The following MYLIP variants were observed in gnomAD, a reference collection of about 807,000 sequenced individuals.
MYLIP encodes the protein E3 ubiquitin-protein ligase MYLIP.
MYLIP carries 26 observed loss-of-function variants against 45.8 expected under a neutral mutation model. That is an observed-to-expected ratio of 0.57 (90% CI 0.42 to 0.79). The LOEUF is 0.79. MYLIP is among the 30% of genes least tolerant of loss of function. MYLIP has a pLI of 0.00. For synonymous variants in MYLIP, 213 were observed against 218.1 expected, an observed-to-expected ratio of 0.98 and a Z score of 0.21; for missense variants, 494 against 555.6, an observed-to-expected ratio of 0.89 and a Z score of 1.11.
Position 16,146,905 on chromosome 6 carries a change from C to T in MYLIP, c.*154C>T. ...AAGGAAGAAAAATAACACAGCTACT[C>T]CTCACTGCAAAAACATATCCATGCG... On this transcript the variant is annotated 3_prime_UTR_variant, in exon 7 of 7. Transcript: ENST00000356840. 1 of 631,092 alleles carries T rather than the reference C, an allele frequency of 1.6e-6. No individual in the cohort carries two copies. The highest frequency in any genetic ancestry group is 2.7e-6 in the Non-Finnish European group (1 of 373,542). The allele number at this position is 631,092 out of a possible 1,614,324, so 39.1% of individuals were successfully genotyped here.
Position 16,143,849 on chromosome 6 carries a change from G to T in MYLIP, c.813G>T (p.Thr271=). ...GGCTCTACCGAGCGATAACAGAGAC[G>T]CACGCATTCTACAGGCACGTATCTC... ...ASGLYRAITE[T]HAFYRCDTVT... is the part of the protein sequence containing the mutation. The change falls in exon 5 of 7, where the codon ACG becomes ACT. Residue 271 remains threonine (T), a synonymous_variant. Coordinates refer to ENST00000356840, the MANE Select transcript of MYLIP (RefSeq NM_013262.4). The T allele has an allele frequency of 6.2e-7, 1 of 1,613,012 alleles. No homozygotes were observed. Among genetic ancestry groups the T allele is most frequent in the Non-Finnish European group, 8.5e-7 (1 of 1,179,750 alleles).
At position 16,143,782 on chromosome 6, in the gene MYLIP, T is replaced by G; in HGVS notation, c.746T>G (p.Ile249Ser). 6.2e-7 allele frequency: 1 copy of G among 1,613,926 alleles called. No homozygotes were observed. Among genetic ancestry groups the G allele is most frequent in the Non-Finnish European group, 8.5e-7 (1 of 1,179,986 alleles). The stretch of plus-strand genomic sequence containing the variant: ...GTCACCAAGGAATCTGGGAACAGCA[T>G]CGTGCTCTTGTTTAAAATGATCAGC... The part of the protein sequence containing the change: ...LTVTKESGNS[I>S]VLLFKMISTR... Residue 249 changes from isoleucine to serine, a missense_variant, in exon 5 of 7, where the codon ATC (isoleucine) becomes AGC (serine). Transcript: ENST00000356840.
chr6:16,158,705 T>TA, the MYLIP span, among the ~76,000 whole-genome samples: 1 of 151,974 alleles, frequency 6.6e-6, no homozygotes, highest in African/African-American at 2.4e-5. Flanking sequence ...CCGTCTCTAC[T>TA]AAAAAATACA....
At chr6:16,151,413 A>G (rs1759879864), downstream of MYLIP, among the ~76,000 whole-genome samples, 2 of 152,134 alleles carry the variant, frequency 1.3e-5, no homozygotes, top group South Asian at 4.1e-4. Context: ...CCACGTTTGC[A>G]TGTGCGCCTG....
intron 2 of MYLIP, among the ~76,000 whole-genome samples, chr6:16,135,386 A>G (rs187690525): frequency 6.6e-6 from 1 of 152,274 alleles, no homozygotes; most frequent in Admixed American, 6.5e-5. Flanking sequence ...ATCACTTTTG[A>G]AGTTGGAAAT....
At position 16,129,895 on chromosome 6, in the gene MYLIP, C is replaced by T. The variant is rs562938716; in HGVS notation, c.87+486C>T. Among the ~76,000 whole-genome samples, 4 of 152,360 alleles carry T rather than the reference C, an allele frequency of 2.6e-5. No individual in the cohort carries two copies. Among genetic ancestry groups the T allele is most frequent in the Non-Finnish European group, 5.9e-5 (4 of 68,038 alleles). On this transcript the variant is annotated intron_variant, in intron 1 of 6. Transcript: ENST00000356840. The surrounding 1 kb of genome is among the most constrained non-coding windows in gnomAD (Gnocchi z 5.1). ...ACGCTGCTTCTCAGGCTGCTGCTCTCAAATGCACCGTTCACCTGCATCTCC... is the reference window on the plus strand; with the variant it reads ...ACGCTGCTTCTCAGGCTGCTGCTCTTAAATGCACCGTTCACCTGCATCTCC...
downstream of MYLIP, chr6:16,148,357 T>G (rs1008399361): frequency 5.9e-5 from 9 of 152,064 alleles, no homozygotes; most frequent in African/African-American, 2.2e-4. Flanking sequence ...GAATTTAATT[T>G]TTTTTTTTTA....
downstream of MYLIP, among the ~76,000 whole-genome samples, chr6:16,148,694 C>A (rs944668364): frequency 6.6e-6 from 1 of 152,080 alleles, no homozygotes; most frequent in African/African-American, 2.4e-5. Context: ...TGGTGTGTGG[C>A]CTGCTCAAGA....
rs139533286 is a variant in MYLIP at position 16,129,378 on chromosome 6, C to G, written c.56C>G (p.Ala19Gly). The G allele has an allele frequency of 6.0e-5, 95 of 1,594,076 alleles. No individual in the cohort carries two copies. The highest frequency in any genetic ancestry group is 4.1e-5 in the Non-Finnish European group (48 of 1,170,754). Reference sequence around the variant, plus strand: ...GTGCTGATGGAGGTGGAGGTGGAGGCGAAAGCCAACGGCGAGGACTGCCTC... The same window carrying G: ...GTGCTGATGGAGGTGGAGGTGGAGGGGAAAGCCAACGGCGAGGACTGCCTC... ...DAVLMEVEVE[A>G]KANGEDCLNQ... Residue 19 changes from alanine (A) to glycine (G), a missense_variant, in exon 1 of 7, where the codon GCG (alanine) becomes GGG (glycine). Coordinates refer to ENST00000356840, the MANE Select transcript of MYLIP (RefSeq NM_013262.4). This position sits in a 1 kb window ranked among gnomAD's most constrained non-coding sequence, Gnocchi z 5.1.
At chr6:16,130,515 C>T (rs372057734) in intron 1 of MYLIP, 42 bp from the exon 2 acceptor site, 47 of 1,592,772 alleles carry the variant, frequency 3.0e-5, no homozygotes, top group Non-Finnish European at 1.8e-5. Flanking sequence ...TGCTTTGATA[C>T]GTACCATTTG....
intron 2 of MYLIP, among the ~76,000 whole-genome samples, chr6:16,135,755 CTATATATA>C (rs10593630): frequency 2.6e-4 from 32 of 125,238 alleles, no homozygotes; most frequent in East Asian, 1.7e-3. Context: ...ATACATATAT[CTATATATA>C]TATATATATA....
rs919526620 is a variant in MYLIP at position 16,147,329 on chromosome 6, T to C, written c.*578T>C. On this transcript the variant is annotated 3_prime_UTR_variant, in exon 7 of 7. Transcript: ENST00000356840. ...ATCAATTCTGTGACTTTTAAAAAGT[T>C]GACAATGTTGTCAGATTTAAACCAG... 3 of 153,528 alleles carry C rather than the reference T, an allele frequency of 2.0e-5. No individual in the cohort carries two copies. The highest frequency in any genetic ancestry group is 2.9e-5 in the Non-Finnish European group (2 of 68,638). The allele number at this position is 153,528 out of a possible 1,614,324, so 9.5% of individuals were successfully genotyped here.
chr6:16,158,183 C>T, the MYLIP span, among the ~76,000 whole-genome samples: 1 of 152,156 alleles, frequency 6.6e-6, no homozygotes, highest in African/African-American at 2.4e-5. Flanking sequence ...AAGGGCTGAT[C>T]CTCTTAATTG....
intron 2 of MYLIP, among the ~76,000 whole-genome samples, chr6:16,131,209 C>T (rs766943016): frequency 8.5e-5 from 13 of 152,122 alleles, no homozygotes; most frequent in Non-Finnish European, 1.9e-4. Context: ...GTTTCTTCAG[C>T]CTAGTGTCAG....
chr6:16,130,784 CT>C, intron 2 of MYLIP, 37 bp downstream of exon 2: 1 of 1,587,512 alleles, frequency 6.3e-7, no homozygotes, highest in South Asian at 1.1e-5. Context: ...TCAAATTGAC[CT>C]TTGGTTCCCT....
In MYLIP at chr6:16,141,757, G is replaced by T; in HGVS notation, c.411G>T (p.Lys137Asn). Reference protein sequence around the residue: ...KFGDYNQNTAKYNYEELCAKE... With the variant: ...KFGDYNQNTANYNYEELCAKE... ...GAGACTACAACCAGAACACTGCCAA[G>T]TATAACTATGAGGAGCTCTGTGCCA... The change falls in exon 3 of 7, where the codon AAG (lysine) becomes AAT (asparagine). Residue 137 changes from lysine (K) to asparagine (N), a missense_variant. Transcript: ENST00000356840. The T allele has an allele frequency of 6.2e-7, 1 of 1,614,076 alleles. No individual in the cohort carries two copies. Among genetic ancestry groups the T allele is most frequent in the African/African-American group, 1.3e-5 (1 of 75,054 alleles).
At chr6:16,144,528 A>T (rs1014239608) in intron 5 of MYLIP, among the ~76,000 whole-genome samples, 38 of 152,252 alleles carry the variant, frequency 2.5e-4, no homozygotes, top group African/African-American at 8.7e-4. Context: ...TTTAAAATAG[A>T]TACACAAATT....
In MYLIP at chr6:16,146,859, T is replaced by G; in HGVS notation, c.*108T>G. The G allele has an allele frequency of 3.3e-6, 3 of 899,888 alleles. No homozygotes were observed. The highest frequency in any genetic ancestry group is 2.0e-5 in the South Asian group (1 of 49,044). 55.7% of individuals were successfully genotyped at this position (899,888 alleles called of 1,614,324 possible). Reference sequence around the variant, plus strand: ...TAATTATTCCAACACCCATCTGCCATGCGATGTTAAAAAAAAAAAAAAGGA... The same window carrying G: ...TAATTATTCCAACACCCATCTGCCAGGCGATGTTAAAAAAAAAAAAAAGGA... On this transcript the variant is annotated 3_prime_UTR_variant, in exon 7 of 7. Transcript: ENST00000356840.
the MYLIP span, among the ~76,000 whole-genome samples, chr6:16,155,228 G>A: frequency 2.0e-5 from 3 of 152,120 alleles, no homozygotes; most frequent in East Asian, 1.9e-4. Flanking sequence ...CACACCCACC[G>A]GGAATCTGGC....
Sources: allele counts gnomAD v4.1 joint callset (sites outside exome capture counted in the v4.1 genomes callset), GRCh38; gene constraint gnomAD v4.1.1; non-coding constraint Gnocchi (gnomAD v3.1); transcripts MANE v1.5; gene names NCBI Gene and HGNC (gene_info 2026-07-23, HGNC 2026-07-21).